Variants in SCAF1 observed in about 807,000 individuals in gnomAD.
SCAF1 encodes the protein splicing factor, arginine/serine-rich 19.
Under a neutral mutation model 91.2 loss-of-function variants are expected in SCAF1, and 28 were observed. That is an observed-to-expected ratio of 0.31 (90% confidence interval 0.23 to 0.42). SCAF1 has a LOEUF of 0.42. Ranked by LOEUF, SCAF1 falls within the 10% of genes least tolerant of loss-of-function variation. The probability of loss-of-function intolerance (pLI) is 1.00; values close to 1 mark genes in which losing one functional copy is unlikely to be tolerated. For synonymous variants in SCAF1, 1,036 were observed against 833.7 expected (o/e 1.24, Z -4.18); for missense variants, 1,893 against 1,872.1 (o/e 1.01, Z -0.21).
chr19:49,656,173 CT>C (rs35023509), intron 9 of SCAF1, among the ~76,000 whole-genome samples: 56,746 of 152,136 alleles, frequency 0.37, 13,073 homozygotes, highest in African/African-American at 0.66. Context: ...TGAGGACCCC[CT>C]GGTCTACAGT....
rs2081158953 is a variant in SCAF1 at position 49,658,264 on chromosome 19, G to A, written c.3804G>A (p.Arg1268=). ...INPVKVSNLV[R]AYVQRYRYFR... is the part of the protein sequence containing the mutation. ...CAGTGAAGGTGAGCAACCTGGTGCG[G>A]GCCTACGTCCAGCGCTACCGCTACT... The change falls in exon 11 of 11, where the codon CGG becomes CGA. Residue 1268 remains arginine, a synonymous_variant. Transcript: ENST00000360565. 6.2e-7 allele frequency: 1 copy of A among 1,613,660 alleles called. No homozygotes were observed. Among genetic ancestry groups the A allele is most frequent in the Non-Finnish European group, 8.5e-7 (1 of 1,179,932 alleles).
chr19:49,644,905 G>A (rs994729252), intron 1 of SCAF1, 116 bp from the exon 2 acceptor site: 2 of 703,340 alleles, frequency 2.8e-6, no homozygotes, highest in Admixed American at 5.0e-5. Context: ...GAGGAGGGGT[G>A]CCAGAGGGGA....
intron 8 of SCAF1, 78 bp from the exon 9 acceptor site, chr19:49,654,574 C>T (rs577089110): frequency 4.1e-5 from 57 of 1,373,696 alleles, no homozygotes; most frequent in South Asian, 1.0e-4. Context: ...GGGAAGTCAG[C>T]GTGGGAACAG....
At chr19:49,658,041 G>C in intron 10 of SCAF1, 152 bp downstream of exon 10, 1 of 1,276,748 alleles carries the variant, frequency 7.8e-7, no homozygotes, top group Non-Finnish European at 1.1e-6. Flanking sequence ...GGCCACCTGG[G>C]CCTGTTCCGC....
rs1331219382 is a variant in SCAF1 at position 49,654,834 on chromosome 19, C to A, written c.3582C>A (p.Gly1194=). The A allele has an allele frequency of 3.1e-6, 5 of 1,609,786 alleles. No individual in the cohort carries two copies. Among genetic ancestry groups the A allele is most frequent in the Non-Finnish European group, 4.2e-6 (5 of 1,177,520 alleles). ...CTGCCACGTCTGACAAGAGAGAGGGCAGCAGCAGCTCTGAGGGCCGTGGGG... is the reference window on the plus strand; with the variant it reads ...CTGCCACGTCTGACAAGAGAGAGGGAAGCAGCAGCTCTGAGGGCCGTGGGG... ...GLAATSDKRE[G]SSSSEGRGDT... The change falls in exon 9 of 11, where the codon GGC becomes GGA. Residue 1194 remains glycine, a synonymous_variant. Coordinates refer to ENST00000360565, the MANE Select transcript of SCAF1 (RefSeq NM_021228.3).
chr19:49,652,101 G>A lies in SCAF1; in HGVS notation c.1712G>A (p.Arg571His), dbSNP rs1225415263. ...GGCTCCCACGCCTCGTCGTCCGCCC[G>A]CCGCCGCTCCCGCTCCCGCTCCCGC... The part of the protein sequence containing the change: ...KPGSHASSSA[R>H]RRSRSRSRSR... The change falls in exon 7 of 11, where the codon CGC (arginine) becomes CAC (histidine). Residue 571 changes from arginine to histidine, a missense_variant. Arg to His is a conservative substitution (Grantham distance 29, BLOSUM62 0). Coordinates refer to ENST00000360565, the MANE Select transcript of SCAF1 (RefSeq NM_021228.3). 5.3e-6 allele frequency: 6 copies of A among 1,124,870 alleles called. No individual in the cohort carries two copies. Among genetic ancestry groups the A allele is most frequent in the South Asian group, 3.9e-5 (2 of 51,840 alleles). The allele number at this position is 1,124,870 out of a possible 1,614,324, so 69.7% of individuals were successfully genotyped here.
rs754482365 is a variant in SCAF1 at position 49,652,650 on chromosome 19, C to T, written c.2261C>T (p.Ser754Leu). ...GKSSQKDRRR[S>L]GAASSSSSSR... ...AGCAGCCAGAAGGATCGGCGCCGCT[C>T]GGGGGCCGCCTCCTCCTCCTCCTCT... Residue 754 changes from serine (S) to leucine (L), a missense_variant, in exon 7 of 11, where the codon TCG (serine) becomes TTG (leucine). Ser to Leu is a moderately radical substitution (Grantham distance 145, BLOSUM62 -2). Around this residue, in one of 5 missense-constraint regions of SCAF1, gnomAD observed 1,436 missense variants for 1,306.8 expected, o/e 1.10. Transcript: ENST00000360565. 79 of 1,559,642 alleles carry T rather than the reference C, an allele frequency of 5.1e-5. No individual in the cohort carries two copies. The highest frequency in any genetic ancestry group is 6.2e-5 in the Non-Finnish European group (72 of 1,152,088).
At chr19:49,653,762 G>C in intron 7 of SCAF1, 57 bp downstream of exon 7, 11 of 1,438,442 alleles carry the variant, frequency 7.6e-6, no homozygotes, top group Non-Finnish European at 1.0e-5. Flanking sequence ...ATGGGGACTG[G>C]AGGGTACAGA....
chr19:49,642,377 G>C lies in SCAF1; in HGVS notation c.-7+135G>C, dbSNP rs1230165373. The C allele has an allele frequency of 6.6e-6, 1 of 152,248 alleles. No individual in the cohort carries two copies. The highest frequency in any genetic ancestry group is 1.5e-5 in the Non-Finnish European group (1 of 68,076). The allele number at this position is 152,248 out of a possible 1,614,324, so 9.4% of individuals were successfully genotyped here. On this transcript the variant is annotated intron_variant, in intron 1 of 10. Coordinates refer to ENST00000360565, the MANE Select transcript of SCAF1 (RefSeq NM_021228.3). This position sits in a 1 kb window ranked among gnomAD's most constrained non-coding sequence, Gnocchi z 4.0. ...AGAGGGCTTCTCGGGGCGGTCTCGG[G>C]CCCGGCAGCTGCGGCGAAACCTGGC...
chr19:49,653,571 C>T lies in SCAF1; in HGVS notation c.3182C>T (p.Ala1061Val), dbSNP rs768633107. 47 of 1,588,416 alleles carry T rather than the reference C, an allele frequency of 3.0e-5. 1 individual carries two copies. The highest frequency in any genetic ancestry group is 1.1e-4 in the East Asian group (5 of 44,340). Residue 1061 changes from alanine to valine, a missense_variant, in exon 7 of 11, where the codon GCG becomes GTG. Around this residue, in one of 5 missense-constraint regions of SCAF1, gnomAD observed 1,436 missense variants for 1,306.8 expected, o/e 1.10. Coordinates refer to ENST00000360565, the MANE Select transcript of SCAF1 (RefSeq NM_021228.3). ...GCCGCCCCAAGCACTGCCCCCAGCG[C>T]GGGGTCCACAGCCGGTGACTCGGGG... Reference protein sequence around the residue: ...AAAAPSTAPSAGSTAGDSGAE... With the variant: ...AAAAPSTAPSVGSTAGDSGAE...
intron 1 of SCAF1, among the ~76,000 whole-genome samples, chr19:49,643,890 A>G (rs1439214996): frequency 6.6e-6 from 1 of 152,176 alleles, no homozygotes; most frequent in Non-Finnish European, 1.5e-5. Context: ...CATGGTTTGA[A>G]AATCTATATG....
chr19:49,645,702 G>A lies in SCAF1; in HGVS notation c.166+291G>A, dbSNP rs1314406901. Among the ~76,000 whole-genome samples the A allele has an allele frequency of 1.3e-5, 2 of 152,190 alleles. No individual in the cohort carries two copies. The highest frequency in any genetic ancestry group is 4.8e-5 in the African/African-American group (2 of 41,452). On this transcript the variant is annotated intron_variant, in intron 3 of 10. Transcript: ENST00000360565. This position sits in a 1 kb window ranked among gnomAD's most constrained non-coding sequence, Gnocchi z 4.6. Reference sequence around the variant, plus strand: ...CAGTGAACGGCTCTCTAAGGACCTAGAAGAGTCTAAGGACCTAGGATTAGA... The same window carrying A: ...CAGTGAACGGCTCTCTAAGGACCTAAAAGAGTCTAAGGACCTAGGATTAGA...
At position 49,651,709 on chromosome 19, in the gene SCAF1, C is replaced by T. The variant is rs778122478; in HGVS notation, c.1320C>T (p.Ala440=). ...QPLPQPPAPR[A]PEGDDFLSLH... is the part of the protein sequence containing the mutation. ...TTCCTCAGCCTCCCGCTCCGCGGGC[C>T]CCCGAGGGGGACGACTTCTTGTCCC... is the stretch of plus-strand genomic sequence containing the variant. Residue 440 remains alanine, a synonymous_variant, in exon 7 of 11, where the codon GCC becomes GCT. Coordinates refer to ENST00000360565, the MANE Select transcript of SCAF1 (RefSeq NM_021228.3). The T allele has an allele frequency of 9.8e-5, 135 of 1,382,748 alleles. 1 individual carries two copies. The highest frequency in any genetic ancestry group is 3.3e-5 in the Non-Finnish European group (36 of 1,079,296). The allele number at this position is 1,382,748 out of a possible 1,614,324, so 85.7% of individuals were successfully genotyped here.
chr19:49,654,678 AAGTCTGGGG>A lies in SCAF1; in HGVS notation c.3428_3436del (p.Ser1143_Gly1145del). The A allele has an allele frequency of 7.4e-6, 12 of 1,613,302 alleles. No homozygotes were observed. The highest frequency in any genetic ancestry group is 6.7e-5 in the African/African-American group (5 of 74,994). On this transcript the variant is annotated inframe_deletion, in exon 9 of 11. Transcript: ENST00000360565. ...TCCTCAGCCACAGAAAGCCACCCTC[AAGTCTGGGG>A]ATGACCCCAGCTCCTGTGCCCACCT...
At chr19:49,654,611 C>T (rs2081126789) in intron 8 of SCAF1, 41 bp from the exon 9 acceptor site, 11 of 1,506,406 alleles carry the variant, frequency 7.3e-6, no homozygotes, top group Admixed American at 3.5e-5. Flanking sequence ...TCTTCCCCTC[C>T]ACCTCCCTTT....
In SCAF1 at chr19:49,646,919, G is replaced by C; in HGVS notation, c.478+89G>C. 1.1e-6 allele frequency: 1 copy of C among 945,388 alleles called. No individual in the cohort carries two copies. Among genetic ancestry groups the C allele is most frequent in the South Asian group, 1.6e-5 (1 of 60,896 alleles). 58.6% of individuals were successfully genotyped at this position (945,388 alleles called of 1,614,324 possible). ...TGGTAGTGATGGTAGCGGTGATCAT[G>C]TTATTTAGACAAAACCTTTCCCTTC... is the stretch of plus-strand genomic sequence containing the variant. On this transcript the variant is annotated intron_variant, in intron 6 of 10. Coordinates refer to ENST00000360565, the MANE Select transcript of SCAF1 (RefSeq NM_021228.3). The surrounding 1 kb of genome is among the most constrained non-coding windows in gnomAD (Gnocchi z 5.6).
At chr19:49,656,017 G>T (rs760867482) in intron 9 of SCAF1, among the ~76,000 whole-genome samples, 4 of 152,236 alleles carry the variant, frequency 2.6e-5, no homozygotes, top group Non-Finnish European at 5.9e-5. Flanking sequence ...AGACGGTGAC[G>T]TTGGCCACCC....
At chr19:49,657,497 G>T (rs950462585) in intron 9 of SCAF1, among the ~76,000 whole-genome samples, 1 of 152,224 alleles carries the variant, frequency 6.6e-6, no homozygotes, top group Non-Finnish European at 1.5e-5. Context: ...CGACACACAT[G>T]TCCTGGTCCC....
chr19:49,653,001 A>T lies in SCAF1; in HGVS notation c.2612A>T (p.Glu871Val). 1 of 1,613,954 alleles carries T rather than the reference A, an allele frequency of 6.2e-7. No individual in the cohort carries two copies. The highest frequency in any genetic ancestry group is 1.1e-5 in the South Asian group (1 of 91,072). ...GGCGTCAAATTCAGCCGTGACCGCG[A>T]GAGTCGCTCCCCCTTCCTCAAACCT... is the stretch of plus-strand genomic sequence containing the variant. ...SIGVKFSRDR[E>V]SRSPFLKPDE... Residue 871 changes from glutamate to valine, a missense_variant, in exon 7 of 11, where the codon GAG becomes GTG. Around this residue, in one of 5 missense-constraint regions of SCAF1, gnomAD observed 1,436 missense variants for 1,306.8 expected, o/e 1.10. Coordinates refer to ENST00000360565, the MANE Select transcript of SCAF1 (RefSeq NM_021228.3).
Sources: allele counts gnomAD v4.1 joint callset (sites outside exome capture counted in the v4.1 genomes callset), GRCh38; gene constraint gnomAD v4.1.1; regional missense constraint gnomAD v4.1.1; non-coding constraint Gnocchi (gnomAD v3.1); transcripts MANE v1.5; gene names NCBI Gene and HGNC (gene_info 2026-07-23, HGNC 2026-07-21).